ANXA8: variants seen among roughly 807,000 people sequenced by gnomAD.
ANXA8 encodes the protein VAC-beta.
In ANXA8, 9 loss-of-function variants were observed where a neutral mutation model predicts 26.8. That is an observed-to-expected ratio of 0.34 (90% confidence interval 0.20 to 0.59). The LOEUF (loss-of-function observed/expected upper bound fraction) is 0.59. ANXA8 is among the 20% of genes least tolerant of loss of function. The pLI is 0.84. For synonymous variants in ANXA8, 39 were observed against 94.8 expected, an observed-to-expected ratio of 0.41 and a Z score of 3.42; for missense variants, 83 against 238.5, an observed-to-expected ratio of 0.35 and a Z score of 4.29.
the ANXA8 span, among the ~76,000 whole-genome samples, chr10:47,976,778 C>T: frequency 6.8e-6 from 1 of 146,126 alleles, no homozygotes; most frequent in Non-Finnish European, 1.5e-5. Context: ...TGTGAACAGC[C>T]CTATCCTGAG....
the ANXA8 span, among the ~76,000 whole-genome samples, chr10:47,653,508 G>A: frequency 6.6e-6 from 1 of 151,812 alleles, no homozygotes; most frequent in South Asian, 2.1e-4. Context: ...AACTCCAGTA[G>A]TTCTGGAAGA....
the ANXA8 span, among the ~76,000 whole-genome samples, chr10:47,650,578 G>A: frequency 4.7e-5 from 7 of 147,982 alleles, no homozygotes; most frequent in South Asian, 1.3e-3. Context: ...AGGCCAAGGT[G>A]GGCGGATCAC....
the ANXA8 span, among the ~76,000 whole-genome samples, chr10:47,978,743 AAAG>A: frequency 1.1e-5 from 1 of 88,750 alleles, no homozygotes; most frequent in African/African-American, 3.5e-5. Context: ...ATTGAATTCA[AAAG>A]AAGACAGTAA....
the ANXA8 span, among the ~76,000 whole-genome samples, chr10:47,675,861 G>A: frequency 2.6e-5 from 4 of 151,738 alleles, no homozygotes; most frequent in Non-Finnish European, 4.4e-5. Flanking sequence ...GAATGATAAA[G>A]GTTAACAATA....
At chr10:47,968,092 A>G in the ANXA8 span, among the ~76,000 whole-genome samples, 1 of 151,234 alleles carries the variant, frequency 6.6e-6, no homozygotes, top group East Asian at 1.9e-4. Context: ...TTTTGCCCAT[A>G]CACATGAGTA....
At chr10:47,698,789 C>T in the ANXA8 span, among the ~76,000 whole-genome samples, 1 of 151,994 alleles carries the variant, frequency 6.6e-6, no homozygotes, top group East Asian at 1.9e-4. Flanking sequence ...GATTGTACCA[C>T]AGCACTTCTG....
the ANXA8 span, chr10:47,589,290 GTGT>G: frequency 6.8e-6 from 1 of 147,246 alleles, no homozygotes; most frequent in African/African-American, 2.7e-5. Flanking sequence ...ATTCTGAAAA[GTGT>G]TGTGACCATC....
chr10:47,974,723 T>G, the ANXA8 span, among the ~76,000 whole-genome samples: 2 of 148,132 alleles, frequency 1.4e-5, no homozygotes, highest in South Asian at 2.2e-4. Context: ...CTTCTTGATA[T>G]TAGTTTCTAT....
chr10:47,490,559 A>G, the ANXA8 span, among the ~76,000 whole-genome samples: 2 of 151,912 alleles, frequency 1.3e-5, no homozygotes, highest in African/African-American at 4.9e-5. Flanking sequence ...GTGAATGAGA[A>G]ACATATGGCT....
chr10:47,898,831 T>TTTTTTTTTTTTTTTTTTTTTTTTTC, the ANXA8 span, among the ~76,000 whole-genome samples: 1 of 132,742 alleles, frequency 7.5e-6, no homozygotes, highest in African/African-American at 3.0e-5. Context: ...TTTTTTTTTT[T>TTTTTTTTTTTTTTTTTTTTTTTTTC]TTTTTTTTTT....
the ANXA8 span, among the ~76,000 whole-genome samples, chr10:47,530,498 G>A: frequency 3.6e-5 from 5 of 140,064 alleles, 1 homozygote; most frequent in Non-Finnish European, 3.0e-5. Flanking sequence ...GACCAGCTTC[G>A]CCTACATAGT....
chr10:47,550,223 C>T, the ANXA8 span, among the ~76,000 whole-genome samples: 5 of 151,944 alleles, frequency 3.3e-5, no homozygotes, highest in African/African-American at 1.2e-4. Context: ...GCCATTCTAC[C>T]ACTGGACGTT....
chr10:47,956,601 G>C, the ANXA8 span, among the ~76,000 whole-genome samples: 1 of 150,444 alleles, frequency 6.6e-6, no homozygotes, highest in African/African-American at 2.5e-5. Context: ...TTCTTTTTCA[G>C]GCTGGAGACT....
chr10:47,956,838 A>G, the ANXA8 span, among the ~76,000 whole-genome samples: 1 of 150,070 alleles, frequency 6.7e-6, no homozygotes, highest in South Asian at 2.1e-4. Flanking sequence ...CAGGGCACTC[A>G]GGGAAGGAGA....
the ANXA8 span, among the ~76,000 whole-genome samples, chr10:47,722,615 C>T: frequency 8.6e-5 from 12 of 140,122 alleles, 1 homozygote; most frequent in South Asian, 2.2e-4. Context: ...GGTGTCTCCA[C>T]GGGCTGCCTG....
the ANXA8 span, among the ~76,000 whole-genome samples, chr10:47,686,923 G>T: frequency 6.6e-6 from 1 of 151,400 alleles, no homozygotes; most frequent in Non-Finnish European, 1.5e-5. Context: ...AGTTTGTGGG[G>T]GCGGGGGGGT....
the ANXA8 span, among the ~76,000 whole-genome samples, chr10:47,959,947 GC>G: frequency 6.6e-6 from 1 of 151,160 alleles, no homozygotes; most frequent in African/African-American, 2.4e-5. Context: ...CTGTGCCTAG[GC>G]CTGCAGACCA....
chr10:47,672,106 T>C, the ANXA8 span, among the ~76,000 whole-genome samples: 4 of 151,010 alleles, frequency 2.6e-5, no homozygotes, highest in Non-Finnish European at 5.9e-5. Context: ...TTGTTTTCTA[T>C]TGCAATCTAA....
chr10:47,651,191 C>T, the ANXA8 span, among the ~76,000 whole-genome samples: 1 of 151,020 alleles, frequency 6.6e-6, no homozygotes, highest in Non-Finnish European at 1.5e-5. Context: ...CAGAGCAAGA[C>T]CCTGTCTCTA....
Sources: gnomAD v4.1 joint callset for allele counts (sites outside exome capture counted in the v4.1 genomes callset) on GRCh38, gnomAD v4.1.1 for gene constraint, MANE v1.5 for transcripts, NCBI Gene and HGNC (gene_info 2026-07-23, HGNC 2026-07-21) for gene names.